Variants in TENM2 observed in about 807,000 individuals in gnomAD.
TENM2 encodes teneurin-2.
A neutral mutation model predicts 245.2 loss-of-function variants in TENM2; 52 were observed. That is an observed-to-expected ratio of 0.21 (90% CI 0.17 to 0.27). The LOEUF (loss-of-function observed/expected upper bound fraction) is 0.27. Ranked by LOEUF, TENM2 falls within the 10% of genes least tolerant of loss-of-function variation. The pLI, the probability that TENM2 is intolerant of heterozygous loss-of-function variation, is 1.00. For synonymous variants in TENM2, 1,363 were observed against 1,438.9 expected (o/e 0.95, Z 1.19); for missense variants, 3,046 against 3,666.8 (o/e 0.83, Z 4.37).
intron 2 of TENM2, among the ~76,000 whole-genome samples, chr5:167,656,257 A>G (rs537872383): frequency 6.6e-6 from 1 of 152,300 alleles, no homozygotes; most frequent in East Asian, 1.9e-4. Flanking sequence ...ATGGTAGAGA[A>G]GAACCATAGA....
At chr5:168,238,185 G>GAT (rs1562320610) in intron 25 of TENM2, among the ~76,000 whole-genome samples, 1 of 42,220 alleles carries the variant, frequency 2.4e-5, no homozygotes, top group Admixed American at 3.0e-4. Flanking sequence ...GAGAGAGAGA[G>GAT]GGAGGGAGGG....
chr5:167,993,279 A>C, intron 5 of TENM2, 97 bp downstream of exon 7: 1 of 991,356 alleles, frequency 1.0e-6, no homozygotes, highest in Non-Finnish European at 1.5e-6. Context: ...ATGTCTGTAC[A>C]GTTTGCTTCT....
rs920042043 is a variant in TENM2 at position 168,216,716 on chromosome 5, C to T, written c.4079-52C>T. 44 of 1,601,496 alleles carry T rather than the reference C, an allele frequency of 2.7e-5. No individual in the cohort carries two copies. In the African/African-American group the frequency reaches 5.2e-4, roughly 19 times the overall value. ...GGCATCTCATCTCCCACCTCCACCC[C>T]GCAATCCTACACCTTTCCAAGAGAT... On this transcript the variant is annotated intron_variant, in intron 21 of 28. Transcript: ENST00000518659.
At chr5:167,049,828 A>T in the TENM2 span, among the ~76,000 whole-genome samples, 2 of 151,990 alleles carry the variant, frequency 1.3e-5, no homozygotes, top group South Asian at 2.1e-4. Context: ...ATATAGATAT[A>T]TTTTTTTTCA....
chr5:167,290,289 T>C (rs1011604126), intron 1 of TENM2, among the ~76,000 whole-genome samples: 1 of 152,220 alleles, frequency 6.6e-6, no homozygotes, highest in African/African-American at 2.4e-5. Context: ...GTGATCTTGA[T>C]CAAATTCTAG....
intron 2 of TENM2, among the ~76,000 whole-genome samples, chr5:167,515,628 T>TGTATATATATAC (rs1450831702): frequency 3.5e-5 from 5 of 142,182 alleles, no homozygotes; most frequent in East Asian, 4.1e-4. Context: ...TACATATATA[T>TGTATATATATAC]ACATATATAT....
intron 1 of TENM2, among the ~76,000 whole-genome samples, chr5:167,357,255 C>G (rs1032987319): frequency 2.0e-5 from 3 of 151,820 alleles, no homozygotes; most frequent in Non-Finnish European, 2.9e-5. Flanking sequence ...AGCACAGAGC[C>G]CTCGTTGCTT....
At chr5:167,692,639 G>A (rs1241371170) in intron 2 of TENM2, among the ~76,000 whole-genome samples, 1 of 152,188 alleles carries the variant, frequency 6.6e-6, no homozygotes, top group Non-Finnish European at 1.5e-5. Flanking sequence ...TCCAGTTTGT[G>A]TATGTGCTTC....
chr5:167,004,045 T>G, the TENM2 span, among the ~76,000 whole-genome samples: 1 of 152,108 alleles, frequency 6.6e-6, no homozygotes, highest in African/African-American at 2.4e-5. Context: ...GCCTTAGGAG[T>G]AGAAACATGA....
the TENM2 span, among the ~76,000 whole-genome samples, chr5:166,981,764 A>T: frequency 6.6e-6 from 1 of 151,972 alleles, no homozygotes; most frequent in Admixed American, 6.6e-5. Flanking sequence ...TTTCCTACTG[A>T]GGTTGTTTTT....
At chr5:168,095,216 A>C (rs1793265507) in intron 8 of TENM2, among the ~76,000 whole-genome samples, 1 of 152,132 alleles carries the variant, frequency 6.6e-6, no homozygotes, top group African/African-American at 2.4e-5. Context: ...CCATGGAACC[A>C]GTCCCTGGTG....
At chr5:167,530,166 G>A (rs1236319515) in intron 2 of TENM2, among the ~76,000 whole-genome samples, 1 of 152,090 alleles carries the variant, frequency 6.6e-6, no homozygotes, top group Non-Finnish European at 1.5e-5. Context: ...GATATAACCA[G>A]GATATTCATT....
the TENM2 span, among the ~76,000 whole-genome samples, chr5:167,107,091 C>CAAAAA: frequency 2.9e-5 from 2 of 68,900 alleles, no homozygotes; most frequent in Non-Finnish European, 7.5e-5. Context: ...CTAAAAAATA[C>CAAAAA]AAAAAAAAAA....
intron 7 of TENM2, chr5:168,087,523 T>A (rs529718857): frequency 1.1e-4 from 17 of 151,846 alleles, no homozygotes; most frequent in African/African-American, 2.7e-4. Context: ...GCTGGAGAAT[T>A]GCTTGAACCC....
chr5:167,217,043 T>C, the TENM2 span, among the ~76,000 whole-genome samples: 1 of 152,194 alleles, frequency 6.6e-6, no homozygotes, highest in Non-Finnish European at 1.5e-5. Context: ...ATTATTGATA[T>C]TAATTTGGTC....
chr5:167,325,891 T>C (rs1247296108), intron 1 of TENM2, among the ~76,000 whole-genome samples: 2 of 152,106 alleles, frequency 1.3e-5, no homozygotes, highest in African/African-American at 4.8e-5. Flanking sequence ...AAAAGATAAT[T>C]TCAGTTAATG....
chr5:167,382,698 G>A (rs1337464307), intron 2 of TENM2, among the ~76,000 whole-genome samples: 2 of 152,110 alleles, frequency 1.3e-5, no homozygotes, highest in Non-Finnish European at 2.9e-5. Context: ...TAAACACCAT[G>A]GCAGTCTTTC....
chr5:167,545,865 A>G (rs1196571956), intron 2 of TENM2, among the ~76,000 whole-genome samples: 2 of 152,230 alleles, frequency 1.3e-5, no homozygotes, highest in Non-Finnish European at 2.9e-5. Flanking sequence ...TACAGACTTG[A>G]CAGGCCATAC....
intron 9 of TENM2, among the ~76,000 whole-genome samples, chr5:168,105,897 TC>T (rs1794202819): frequency 6.6e-6 from 1 of 152,212 alleles, no homozygotes; most frequent in South Asian, 2.1e-4. Flanking sequence ...ATTATTCCTT[TC>T]CCTTGTATTT....
Sources: allele counts gnomAD v4.1 joint callset (sites outside exome capture counted in the v4.1 genomes callset), GRCh38; gene constraint gnomAD v4.1.1; transcripts MANE v1.5; gene names NCBI Gene and HGNC (gene_info 2026-07-23, HGNC 2026-07-21).